Variants in ERAP1 observed in about 807,000 individuals in gnomAD.
ERAP1 encodes the protein adipocyte-derived leucine aminopeptidase.
Under a neutral mutation model 103.7 loss-of-function variants are expected in ERAP1, and 86 were observed. That is an observed-to-expected ratio of 0.83 (90% CI 0.70 to 0.99). The LOEUF (loss-of-function observed/expected upper bound fraction) is 0.99, where lower values mean the gene tolerates loss of function less well. Among genes scored for constraint, ERAP1 ranks in the 50% least tolerant of loss-of-function variants. The pLI, the probability that ERAP1 is intolerant of heterozygous loss-of-function variation, is 0.00. For missense variants in ERAP1, 1,009 were observed against 1,128.4 expected (o/e 0.89, Z 1.52); for synonymous variants, 398 against 402.4 (o/e 0.99, Z 0.13).
At chr5:96,875,924 G>C in the ERAP1 span, 2 of 152,458 alleles carry the variant, frequency 1.3e-5, no homozygotes, top group Non-Finnish European at 2.9e-5. Context: ...ATTCAGAGCA[G>C]AGAGGAAGTT....
chr5:96,794,098 T>A (rs1777045341), intron 5 of ERAP1, 141 bp from the exon 6 acceptor site: 1 of 784,988 alleles, frequency 1.3e-6, no homozygotes, highest in Admixed American at 2.2e-5. Context: ...CCTTTCACAA[T>A]GGAGAAAAAG....
At chr5:96,784,218 G>T in intron 13 of ERAP1, 138 bp from the exon 14 acceptor site, 1 of 898,380 alleles carries the variant, frequency 1.1e-6, no homozygotes, top group Non-Finnish European at 1.7e-6. Flanking sequence ...ACTACGGCCG[G>T]GCGCGGTGGC....
chr5:96,879,810 C>G, the ERAP1 span: 5 of 1,614,180 alleles, frequency 3.1e-6, no homozygotes, highest in South Asian at 2.2e-5. Context: ...TCAGTGCCAT[C>G]TAGTTATCAC....
At chr5:96,769,533 TG>T (rs1771462242), downstream of ERAP1, 9 of 152,184 alleles carry the variant, frequency 5.9e-5, no homozygotes, top group South Asian at 1.9e-3. Flanking sequence ...AATAATAAAA[TG>T]GTTACTGTAG....
the ERAP1 span, chr5:96,917,739 C>T: frequency 2.8e-5 from 16 of 569,464 alleles, no homozygotes; most frequent in Middle Eastern, 5.6e-4. Flanking sequence ...ACCCCGTCTC[C>T]GCTAAAAATA....
chr5:96,909,720 T>C, the ERAP1 span: 1 of 1,614,212 alleles, frequency 6.2e-7, no homozygotes, highest in East Asian at 2.2e-5. Flanking sequence ...TCCAGAAAGC[T>C]GCTGAACTCT....
At chr5:96,879,758 T>C in the ERAP1 span, 1 of 1,614,226 alleles carries the variant, frequency 6.2e-7, no homozygotes, top group East Asian at 2.2e-5. Flanking sequence ...ATTTTACTGC[T>C]TAACAGCCAT....
At chr5:96,873,828 T>C in the ERAP1 span, among the ~76,000 whole-genome samples, 31 of 152,190 alleles carry the variant, frequency 2.0e-4, no homozygotes, top group African/African-American at 7.2e-4. Flanking sequence ...AAAAAGCTTA[T>C]GTTCTAGTGA....
the ERAP1 span, among the ~76,000 whole-genome samples, chr5:96,894,771 TA>T: frequency 6.6e-6 from 1 of 152,138 alleles, no homozygotes; most frequent in African/African-American, 2.4e-5. Flanking sequence ...CTGAGAGCCC[TA>T]AATGAATTCT....
chr5:96,927,629 GGC>G, the ERAP1 span, among the ~76,000 whole-genome samples: 1 of 152,090 alleles, frequency 6.6e-6, no homozygotes, highest in Admixed American at 6.5e-5. Context: ...TGGGACTACA[GGC>G]GCCCGCCACC....
chr5:96,861,987 G>A, the ERAP1 span, among the ~76,000 whole-genome samples: 51,884 of 151,506 alleles, frequency 0.34, 8,932 homozygotes, highest in South Asian at 0.38. Flanking sequence ...GATTCTTTTT[G>A]AAAAAAAAAT....
At chr5:96,929,107 GCA>G in the ERAP1 span, among the ~76,000 whole-genome samples, 1 of 152,208 alleles carries the variant, frequency 6.6e-6, no homozygotes, top group Non-Finnish European at 1.5e-5. Context: ...AGAAATCCTG[GCA>G]CCATGCCAAT....
At chr5:96,915,897 A>C in the ERAP1 span, 1 of 699,524 alleles carries the variant, frequency 1.4e-6, no homozygotes, top group Non-Finnish European at 2.3e-6. Context: ...GTCCAATGCC[A>C]TATAGCAAGT....
chr5:96,799,048 T>C (rs989349774), intron 3 of ERAP1, among the ~76,000 whole-genome samples: 1 of 151,408 alleles, frequency 6.6e-6, no homozygotes, highest in Non-Finnish European at 1.5e-5. Flanking sequence ...TGTATTTTTG[T>C]AGAGACAGGG....
chr5:96,782,370 T>G (rs1412784476), intron 15 of ERAP1, among the ~76,000 whole-genome samples: 2 of 152,202 alleles, frequency 1.3e-5, no homozygotes, highest in Non-Finnish European at 2.9e-5. Context: ...TTAAGTAGCC[T>G]TCTCAAAAAT....
the ERAP1 span, among the ~76,000 whole-genome samples, chr5:96,815,465 G>A: frequency 6.9e-6 from 1 of 145,302 alleles, no homozygotes; most frequent in Non-Finnish European, 1.5e-5. Context: ...GGGCTGGAGT[G>A]CAATGGTGTG....
the ERAP1 span, among the ~76,000 whole-genome samples, chr5:96,921,956 A>G: frequency 6.6e-6 from 1 of 152,238 alleles, no homozygotes. Flanking sequence ...TACTGAAAAC[A>G]TACAAAGGAC....
At chr5:96,892,386 C>G in the ERAP1 span, 1 of 1,614,038 alleles carries the variant, frequency 6.2e-7, no homozygotes, top group Admixed American at 1.7e-5. Flanking sequence ...CTTTTTGACC[C>G]CAAGACCTCT....
the ERAP1 span, among the ~76,000 whole-genome samples, chr5:96,928,876 A>G: frequency 6.6e-6 from 1 of 152,188 alleles, no homozygotes; most frequent in African/African-American, 2.4e-5. Flanking sequence ...CTTCTCAGTA[A>G]GATCTCATGA....
Sources: allele counts gnomAD v4.1 joint callset (sites outside exome capture counted in the v4.1 genomes callset), GRCh38; gene constraint gnomAD v4.1.1; transcripts MANE v1.5; gene names NCBI Gene and HGNC (gene_info 2026-07-23, HGNC 2026-07-21).